The following NPAS3 variants were observed in gnomAD, a reference collection of about 807,000 sequenced individuals.
NPAS3 encodes neuronal PAS domain protein 3.
In NPAS3, 14 loss-of-function variants were observed where a neutral mutation model predicts 73.1. The ratio of observed to expected loss-of-function variants is 0.19; its 90% confidence interval spans 0.13 to 0.30. The LOEUF is 0.30. Ranked by LOEUF, NPAS3 falls within the 10% of genes least tolerant of loss-of-function variation. The pLI, the probability that NPAS3 is intolerant of heterozygous loss-of-function variation, is 1.00. For missense variants in NPAS3, 1,096 were observed against 1,250.0 expected (o/e 0.88, Z 1.86); for synonymous variants, 620 against 541.5 (o/e 1.14, Z -2.01).
intron 3 of NPAS3, among the ~76,000 whole-genome samples, chr14:33,253,142 G>A (rs1343581141): frequency 1.3e-5 from 2 of 152,080 alleles, no homozygotes; most frequent in East Asian, 1.9e-4. Flanking sequence ...ATACCCAGTA[G>A]TGGAATTGCC....
At chr14:33,608,834 A>G (rs1370533387) in intron 5 of NPAS3, among the ~76,000 whole-genome samples, 1 of 152,208 alleles carries the variant, frequency 6.6e-6, no homozygotes, top group African/African-American at 2.4e-5. Context: ...TCTGCTACAA[A>G]TGTTCCTTCC....
chr14:33,264,433 GA>G (rs2049095891), intron 3 of NPAS3, among the ~76,000 whole-genome samples: 1 of 151,970 alleles, frequency 6.6e-6, no homozygotes, highest in African/African-American at 2.4e-5. Flanking sequence ...ATAAAAAAAA[GA>G]AAAAGTAACT....
At chr14:33,294,859 G>T (rs1222057810) in intron 3 of NPAS3, among the ~76,000 whole-genome samples, 1 of 152,140 alleles carries the variant, frequency 6.6e-6, no homozygotes, top group African/African-American at 2.4e-5. Context: ...CATGACCTCA[G>T]ATGGTCAAGG....
chr14:33,043,338 T>C (rs1452866420), intron 1 of NPAS3, among the ~76,000 whole-genome samples: 1 of 152,128 alleles, frequency 6.6e-6, no homozygotes, highest in Non-Finnish European at 1.5e-5. Context: ...AAATTCTCCT[T>C]AGTAGTAATC....
intron 6 of NPAS3, among the ~76,000 whole-genome samples, chr14:33,683,427 CAAA>C (rs1176606241): frequency 2.1e-4 from 16 of 77,522 alleles, no homozygotes; most frequent in South Asian, 6.9e-4. Flanking sequence ...TTCCTCATTT[CAAA>C]AAAAAAAAAA....
At chr14:33,558,028 TAA>T (rs1484345692) in intron 4 of NPAS3, among the ~76,000 whole-genome samples, 1 of 152,196 alleles carries the variant, frequency 6.6e-6, no homozygotes, top group African/African-American at 2.4e-5. Context: ...TTGTGAAAAT[TAA>T]AAGAGACAAT....
At chr14:33,213,541 A>G (rs2047113630) in intron 2 of NPAS3, 1 of 152,224 alleles carries the variant, frequency 6.6e-6, no homozygotes, top group Non-Finnish European at 1.5e-5. Flanking sequence ...GCTTTCAACC[A>G]GCTAAAATTG....
At chr14:33,527,433 A>C (rs1413733020) in intron 4 of NPAS3, among the ~76,000 whole-genome samples, 2 of 152,156 alleles carry the variant, frequency 1.3e-5, no homozygotes, top group East Asian at 3.9e-4. Flanking sequence ...CCTGTAACAA[A>C]ATAAGATGTT....
intron 2 of NPAS3, among the ~76,000 whole-genome samples, chr14:33,198,993 A>G (rs1424933703): frequency 6.6e-6 from 1 of 152,068 alleles, no homozygotes; most frequent in Non-Finnish European, 1.5e-5. Flanking sequence ...TAAGCCCCAC[A>G]CTGTCCGTGG....
chr14:33,734,290 C>T (rs2061472111), intron 6 of NPAS3, among the ~76,000 whole-genome samples: 1 of 151,944 alleles, frequency 6.6e-6, no homozygotes, highest in Non-Finnish European at 1.5e-5. Flanking sequence ...ATTTCTTTGC[C>T]AGAAAACACT....
chr14:33,068,844 T>C (rs142541424), intron 2 of NPAS3, among the ~76,000 whole-genome samples: 3 of 152,224 alleles, frequency 2.0e-5, no homozygotes, highest in East Asian at 3.9e-4. Context: ...GGGTTCCTAA[T>C]GTGTTCAAAG....
intron 4 of NPAS3, among the ~76,000 whole-genome samples, chr14:33,557,446 T>C (rs1301026947): frequency 6.6e-6 from 1 of 152,218 alleles, no homozygotes; most frequent in African/African-American, 2.4e-5. Flanking sequence ...CAAGGGGTGA[T>C]GTTTAAGATG....
At chr14:33,760,788 C>T (rs1288626179) in intron 7 of NPAS3, among the ~76,000 whole-genome samples, 3 of 151,980 alleles carry the variant, frequency 2.0e-5, no homozygotes, top group Non-Finnish European at 4.4e-5. Flanking sequence ...GCACAAGTCT[C>T]TCCAATAATC....
chr14:33,284,953 G>A (rs1393406034), intron 3 of NPAS3, among the ~76,000 whole-genome samples: 2 of 152,086 alleles, frequency 1.3e-5, no homozygotes, highest in Non-Finnish European at 2.9e-5. Flanking sequence ...TAGAGCCCAC[G>A]CTGTAACCAC....
intron 2 of NPAS3, among the ~76,000 whole-genome samples, chr14:33,163,434 TGA>T: frequency 6.6e-6 from 1 of 152,160 alleles, no homozygotes; most frequent in Non-Finnish European, 1.5e-5. Context: ...CAAATTGAGT[TGA>T]TATGTAGAGA....
At chr14:33,006,510 A>G (rs770326419) in intron 1 of NPAS3, among the ~76,000 whole-genome samples, 1 of 152,176 alleles carries the variant, frequency 6.6e-6, no homozygotes, top group Non-Finnish European at 1.5e-5. Context: ...GGGAGGGGTA[A>G]CCATGGGTTA....
intron 2 of NPAS3, among the ~76,000 whole-genome samples, chr14:33,062,041 G>T (rs1052762975): frequency 4.0e-5 from 6 of 151,616 alleles, no homozygotes; most frequent in Admixed American, 6.6e-5. Context: ...GTGACAGGAG[G>T]TGAGGCTGGA....
intron 5 of NPAS3, among the ~76,000 whole-genome samples, chr14:33,633,001 G>A (rs1450304130): frequency 1.3e-5 from 2 of 151,942 alleles, no homozygotes; most frequent in African/African-American, 4.8e-5. Flanking sequence ...AATCAACCAT[G>A]GATTGAGAAT....
intron 4 of NPAS3, among the ~76,000 whole-genome samples, chr14:33,511,333 T>G (rs1460403219): frequency 1.3e-5 from 2 of 152,066 alleles, no homozygotes; most frequent in African/African-American, 4.8e-5. Context: ...TCATTTGTAT[T>G]ATACATTATA....
Sources: gnomAD v4.1 joint callset for allele counts (sites outside exome capture counted in the v4.1 genomes callset) on GRCh38, gnomAD v4.1.1 for gene constraint, MANE v1.5 for transcripts, NCBI Gene and HGNC (gene_info 2026-07-23, HGNC 2026-07-21) for gene names.